Variants in DERA observed in about 807,000 individuals in gnomAD.
The protein encoded by DERA is deoxyribose-phosphate aldolase.
DERA carries 15 observed loss-of-function variants against 41.1 expected under a neutral mutation model. That is an observed-to-expected ratio of 0.37 (90% CI 0.24 to 0.56). DERA has a LOEUF of 0.56. DERA is among the 20% of genes least tolerant of loss of function. DERA has a pLI of 0.81. For missense variants in DERA, 396 were observed against 403.4 expected, an observed-to-expected ratio of 0.98 and a Z score of 0.16; for synonymous variants, 139 against 137.4, an observed-to-expected ratio of 1.01 and a Z score of -0.08.
At chr12:15,962,383 G>A (rs1457935851) in intron 4 of DERA, among the ~76,000 whole-genome samples, 15 of 152,166 alleles carry the variant, frequency 9.9e-5, no homozygotes, top group Admixed American at 3.9e-4. Flanking sequence ...TAAATCAAGG[G>A]TAAATGAGTA....
Position 16,012,083 on chromosome 12 carries a change from C to T in DERA, c.638-20459C>T, listed in dbSNP as rs1428426252. Reference sequence around the variant, plus strand: ...AGAGTTTGGTAAAGAAAAGCCTTGTCTTGTACACTGCTGTGTATGCACTTT... The same window carrying T: ...AGAGTTTGGTAAAGAAAAGCCTTGTTTTGTACACTGCTGTGTATGCACTTT... On this transcript the variant is annotated intron_variant, in intron 6 of 8. Transcript: ENST00000428559. The surrounding 1 kb of genome is among the most constrained non-coding windows in gnomAD (Gnocchi z 4.1). Among the ~76,000 whole-genome samples, 2 of 152,184 alleles carry T rather than the reference C, an allele frequency of 1.3e-5. No homozygotes were observed. Among genetic ancestry groups the T allele is most frequent in the South Asian group, 2.1e-4 (1 of 4,828 alleles).
chr12:15,945,978 A>G (rs557695141), intron 1 of DERA, among the ~76,000 whole-genome samples: 3 of 152,264 alleles, frequency 2.0e-5, no homozygotes, highest in South Asian at 2.1e-4. Context: ...TTCTGCATCT[A>G]TTGAGATAAT....
At chr12:15,916,326 G>A (rs1477633935) in intron 1 of DERA, 1 of 152,218 alleles carries the variant, frequency 6.6e-6, no homozygotes, top group African/African-American at 2.4e-5. Flanking sequence ...GGTGAATAGA[G>A]TGGGGCTTTT....
Position 15,982,434 on chromosome 12 carries a change from C to T in DERA, c.635C>T (p.Ala212Val). ...VYKASMIAMM[A>V]GSDFIKTSTG... ...AAAGCCAGTATGATAGCAATGATGG[C>T]AGGTAAGTGTTTTATGTTCAAATAA... The change falls in exon 6 of 9, where the codon GCA becomes GTA. Residue 212 changes from alanine to valine, a missense_variant and splice_region_variant. By Grantham distance (64) the Ala-to-Val change is moderately conservative (BLOSUM62 0). Transcript: ENST00000428559. This position sits in a 1 kb window ranked among gnomAD's most constrained non-coding sequence, Gnocchi z 4.0. The T allele has an allele frequency of 6.2e-7, 1 of 1,602,290 alleles. No individual in the cohort carries two copies. The highest frequency in any genetic ancestry group is 8.5e-7 in the Non-Finnish European group (1 of 1,176,588).
In DERA at chr12:15,982,316, G is replaced by A; in HGVS notation, c.517G>A (p.Asp173Asn). 16 of 1,612,754 alleles carry A rather than the reference G, an allele frequency of 9.9e-6. No homozygotes were observed. Among genetic ancestry groups the A allele is most frequent in the Non-Finnish European group, 1.1e-5 (13 of 1,179,590 alleles). The change falls in exon 6 of 9, where the codon GAT (aspartate) becomes AAT (asparagine). Residue 173 changes from aspartate (D) to asparagine (N), a missense_variant. Transcript: ENST00000428559. The surrounding 1 kb of genome is among the most constrained non-coding windows in gnomAD (Gnocchi z 4.0). ...ATTATTTTCTTCCCCAGCCCTGTAT[G>A]ATGAGATTCGTCAGTTTCGCAAGGC... ...VLTGQWEALY[D>N]EIRQFRKACG...
At chr12:15,947,573 C>T (rs958912123) in intron 1 of DERA, among the ~76,000 whole-genome samples, 2 of 152,180 alleles carry the variant, frequency 1.3e-5, no homozygotes, top group African/African-American at 2.4e-5. Flanking sequence ...AGATCTTCCT[C>T]CATCCCTTTA....
chr12:16,007,356 G>A (rs1333404688), intron 6 of DERA, among the ~76,000 whole-genome samples: 2 of 152,028 alleles, frequency 1.3e-5, no homozygotes, highest in Non-Finnish European at 2.9e-5. Flanking sequence ...GCTAGCTTTT[G>A]TATTTTTAGT....
At chr12:15,975,641 G>T (rs1192011761) in intron 5 of DERA, among the ~76,000 whole-genome samples, 2 of 152,238 alleles carry the variant, frequency 1.3e-5, no homozygotes, top group Admixed American at 1.3e-4. Flanking sequence ...TTCAGCCTGT[G>T]CACAGGAAGG....
intron 1 of DERA, among the ~76,000 whole-genome samples, chr12:15,916,687 G>A (rs1316343206): frequency 6.6e-6 from 1 of 152,068 alleles, no homozygotes; most frequent in Non-Finnish European, 1.5e-5. Context: ...TTGACCTCAG[G>A]TGATCCACCT....
At position 16,011,223 on chromosome 12, in the gene DERA, A is replaced by C. The variant is rs992938555; in HGVS notation, c.638-21319A>C. 1.3e-5 allele frequency among the ~76,000 whole-genome samples: 2 copies of C among 152,208 alleles called. No homozygotes were observed. Among genetic ancestry groups the C allele is most frequent in the Admixed American group, 6.5e-5 (1 of 15,270 alleles). Reference sequence around the variant, plus strand: ...AAGGAAATTCAGTTGTTTAAAGCATATCTGGCTTATTTTGTTAAAATGTTT... The same window carrying C: ...AAGGAAATTCAGTTGTTTAAAGCATCTCTGGCTTATTTTGTTAAAATGTTT... On this transcript the variant is annotated intron_variant, in intron 6 of 8. Coordinates refer to ENST00000428559, the MANE Select transcript of DERA (RefSeq NM_015954.4). This position sits in a 1 kb window ranked among gnomAD's most constrained non-coding sequence, Gnocchi z 4.7.
intron 5 of DERA, among the ~76,000 whole-genome samples, chr12:15,971,481 T>C (rs912939355): frequency 2.0e-5 from 3 of 150,072 alleles, no homozygotes; most frequent in Non-Finnish European, 4.4e-5. Flanking sequence ...TTTTCGTCAC[T>C]GAAGAGGCCA....
At position 15,981,003 on chromosome 12, in the gene DERA, C is replaced by A. The variant is rs1304222154; in HGVS notation, c.509-1305C>A. ...AGCTTTAAGAAATGCTTACCCCAAC[C>A]CTTATTATGAATGTTTCCCTCCTGC... On this transcript the variant is annotated intron_variant, in intron 5 of 8. Transcript: ENST00000428559. This position sits in a 1 kb window ranked among gnomAD's most constrained non-coding sequence, Gnocchi z 6.1. 6.6e-6 allele frequency among the ~76,000 whole-genome samples: 1 copy of A among 152,042 alleles called. No homozygotes were observed. Among genetic ancestry groups the A allele is most frequent in the Non-Finnish European group, 1.5e-5 (1 of 68,014 alleles).
At chr12:16,032,045 G>A (rs1949096028) in intron 6 of DERA, among the ~76,000 whole-genome samples, 1 of 152,174 alleles carries the variant, frequency 6.6e-6, no homozygotes, top group South Asian at 2.1e-4. Flanking sequence ...AATCTGGTTG[G>A]AAGACAGTTC....
rs143305365 is a variant in DERA, at chr12:15,995,517, G to A, written c.637+13081G>A. ...GTGATACAACTGCCACTTGAGTTCT[G>A]TACTTTTCTTCCAGACTCTCTTACC... On this transcript the variant is annotated intron_variant, in intron 6 of 8. Transcript: ENST00000428559. This position sits in a 1 kb window ranked among gnomAD's most constrained non-coding sequence, Gnocchi z 5.1. Among the ~76,000 whole-genome samples the A allele has an allele frequency of 6.4e-3, 974 of 152,180 alleles. 15 individuals are homozygous for A. The highest frequency in any genetic ancestry group is 0.022 in the African/African-American group (912 of 41,482).
intron 1 of DERA, among the ~76,000 whole-genome samples, chr12:15,955,833 C>T (rs1367730600): frequency 6.6e-6 from 1 of 152,156 alleles, no homozygotes; most frequent in Non-Finnish European, 1.5e-5. Context: ...CAGTTTTCCT[C>T]ATTGCATTAT....
chr12:15,962,204 C>T (rs1411946435), intron 4 of DERA, among the ~76,000 whole-genome samples: 1 of 152,086 alleles, frequency 6.6e-6, no homozygotes, highest in African/African-American at 2.4e-5. Context: ...TCTTCCCAAC[C>T]CTGCCCCTGC....
Position 15,940,675 on chromosome 12 carries a change from A to G in DERA, c.32-16261A>G, listed in dbSNP as rs1289440827. 1.3e-5 allele frequency among the ~76,000 whole-genome samples: 2 copies of G among 152,146 alleles called. No homozygotes were observed. Among genetic ancestry groups the G allele is most frequent in the East Asian group, 3.9e-4 (2 of 5,192 alleles). On this transcript the variant is annotated intron_variant, in intron 1 of 8. Transcript: ENST00000428559. The surrounding 1 kb of genome is among the most constrained non-coding windows in gnomAD (Gnocchi z 5.1). Reference sequence around the variant, plus strand: ...CTGCTTTACTTCTTACACATTCACTAGAAAATTTAGATCTAAAAGTGAGCA... The same window carrying G: ...CTGCTTTACTTCTTACACATTCACTGGAAAATTTAGATCTAAAAGTGAGCA...
In DERA at chr12:16,011,207, C is replaced by T. The variant is rs1478175174; in HGVS notation, c.638-21335C>T. Reference sequence around the variant, plus strand: ...TAGAAAGCACAATCAAAAGGAAATTCAGTTGTTTAAAGCATATCTGGCTTA... The same window carrying T: ...TAGAAAGCACAATCAAAAGGAAATTTAGTTGTTTAAAGCATATCTGGCTTA... On this transcript the variant is annotated intron_variant, in intron 6 of 8. Coordinates refer to ENST00000428559, the MANE Select transcript of DERA (RefSeq NM_015954.4). This position sits in a 1 kb window ranked among gnomAD's most constrained non-coding sequence, Gnocchi z 4.7. 6.6e-6 allele frequency among the ~76,000 whole-genome samples: 1 copy of T among 152,092 alleles called. No homozygotes were observed. Among genetic ancestry groups the T allele is most frequent in the Non-Finnish European group, 1.5e-5 (1 of 68,016 alleles).
Position 15,921,427 on chromosome 12 carries a change from G to T in DERA, c.31+10013G>T, listed in dbSNP as rs187745150. 6.6e-6 allele frequency among the ~76,000 whole-genome samples: 1 copy of T among 152,060 alleles called. No individual in the cohort carries two copies. The highest frequency in any genetic ancestry group is 1.9e-4 in the East Asian group (1 of 5,198). ...GAGATTAACCAGAAAGAGTAATTCC[G>T]TTAATTTTCTGGTAGAAAAAAACAT... On this transcript the variant is annotated intron_variant, in intron 1 of 8. Coordinates refer to ENST00000428559, the MANE Select transcript of DERA (RefSeq NM_015954.4). The surrounding 1 kb of genome is among the most constrained non-coding windows in gnomAD (Gnocchi z 5.3).
Sources: gnomAD v4.1 joint callset for allele counts (sites outside exome capture counted in the v4.1 genomes callset) on GRCh38, gnomAD v4.1.1 for gene constraint, Gnocchi (gnomAD v3.1) non-coding constraint, MANE v1.5 for transcripts, NCBI Gene and HGNC (gene_info 2026-07-23, HGNC 2026-07-21) for gene names.